Variants in EDA observed in about 807,000 individuals in gnomAD.
EDA encodes ectodysplasin-A.
Under a neutral mutation model 23.6 loss-of-function variants are expected in EDA, and 2 were observed. The ratio of observed to expected loss-of-function variants is 0.08; its 90% confidence interval spans 0.03 to 0.27. The LOEUF (loss-of-function observed/expected upper bound fraction) is 0.27. Ranked by LOEUF, EDA falls within the 10% of genes least tolerant of loss-of-function variation. The pLI is 1.00. For synonymous variants in EDA, 131 were observed against 132.0 expected (o/e 0.99, Z 0.05); for missense variants, 229 against 324.2 (o/e 0.71, Z 2.26).
intron 1 of EDA, among the ~76,000 whole-genome samples, chrX:69,772,997 C>T (rs151244835): frequency 0.015 from 1,715 of 111,325 alleles, 31 homozygotes; most frequent in African/African-American, 0.054. Flanking sequence ...TTTTCATCAC[C>T]CCCAAAAAAC....
chrX:69,807,257 A>AT (rs2015836365), intron 1 of EDA, among the ~76,000 whole-genome samples: 1 of 107,992 alleles, frequency 9.3e-6, no homozygotes, highest in Non-Finnish European at 1.9e-5. Context: ...TGTAACATGT[A>AT]TTTTTTGGAC....
intron 1 of EDA, among the ~76,000 whole-genome samples, chrX:69,764,198 C>CACCACT (rs1320986547): frequency 9.6e-6 from 1 of 103,849 alleles, no homozygotes; most frequent in Non-Finnish European, 2.0e-5. Context: ...AGTTTTCTTC[C>CACCACT]ACCACTACCA....
intron 2 of EDA, among the ~76,000 whole-genome samples, chrX:69,961,028 A>AG (rs1313579447): frequency 8.9e-5 from 9 of 100,778 alleles, no homozygotes; most frequent in East Asian, 2.9e-4. Context: ...AAAAAAAGAA[A>AG]AAAAAAGAAA....
chrX:69,824,683 C>G (rs1156783571), intron 1 of EDA, among the ~76,000 whole-genome samples: 1 of 94,866 alleles, frequency 1.1e-5, no homozygotes, highest in Non-Finnish European at 2.1e-5. Flanking sequence ...AATTGAATAC[C>G]CTTTATTTCC....
intron 2 of EDA, among the ~76,000 whole-genome samples, chrX:69,976,787 C>G (rs985959693): frequency 9.1e-6 from 1 of 110,073 alleles, no homozygotes; most frequent in Non-Finnish European, 1.9e-5. Context: ...GAAAAGGGGT[C>G]CAAAGGTCAG....
intron 2 of EDA, among the ~76,000 whole-genome samples, chrX:69,991,529 G>A (rs758628050): frequency 7.5e-4 from 83 of 111,150 alleles, no homozygotes; most frequent in African/African-American, 2.6e-3. Flanking sequence ...CTAGACCTGC[G>A]GGACAGAGAA....
intron 2 of EDA, among the ~76,000 whole-genome samples, chrX:70,003,466 T>C (rs1236143230): frequency 8.9e-6 from 1 of 111,899 alleles, no homozygotes; most frequent in Non-Finnish European, 1.9e-5. Context: ...CCTCCTGACA[T>C]CCCTTTTGAG....
chrX:69,724,876 T>C (rs376748699), intron 1 of EDA, among the ~76,000 whole-genome samples: 2 of 112,138 alleles, frequency 1.8e-5, no homozygotes, highest in East Asian at 2.8e-4. Flanking sequence ...TGTTGAACTT[T>C]CTAATAAATA....
chrX:69,964,936 A>G (rs958612230), intron 2 of EDA, among the ~76,000 whole-genome samples: 2 of 111,823 alleles, frequency 1.8e-5, no homozygotes, highest in Non-Finnish European at 3.8e-5. Flanking sequence ...TAAGTACCAA[A>G]CTAGTTGTTA....
intron 2 of EDA, among the ~76,000 whole-genome samples, chrX:69,978,502 C>CAAAA (rs1223244079): frequency 2.1e-5 from 1 of 46,865 alleles, no homozygotes; most frequent in Non-Finnish European, 3.8e-5. Context: ...GAATCTGTCT[C>CAAAA]AAAAAAAAAA....
chrX:69,692,077 A>G (rs1379427020), intron 1 of EDA, among the ~76,000 whole-genome samples: 2 of 111,238 alleles, frequency 1.8e-5, no homozygotes, highest in African/African-American at 3.3e-5. Context: ...ATTGAATGCT[A>G]CTGTCTCATG....
intron 1 of EDA, among the ~76,000 whole-genome samples, chrX:69,889,261 C>T (rs893002655): frequency 4.7e-5 from 5 of 107,381 alleles, no homozygotes; most frequent in South Asian, 4.2e-4. Flanking sequence ...GATCTTCCCA[C>T]TTCGTCCTCC....
chrX:69,833,973 C>T (rs899563927), intron 1 of EDA, among the ~76,000 whole-genome samples: 3 of 79,368 alleles, frequency 3.8e-5, no homozygotes, highest in Non-Finnish European at 6.8e-5. Flanking sequence ...CCACGACAGG[C>T]ACCAGTGTGT....
intron 1 of EDA, among the ~76,000 whole-genome samples, chrX:69,932,903 G>T (rs1290186070): frequency 2.8e-5 from 3 of 107,921 alleles, no homozygotes; most frequent in East Asian, 5.7e-4. Flanking sequence ...ACTATCTCTT[G>T]TCCCAATTTA....
At chrX:69,843,883 G>C (rs891440449) in intron 1 of EDA, among the ~76,000 whole-genome samples, 2 of 109,292 alleles carry the variant, frequency 1.8e-5, no homozygotes, top group African/African-American at 6.7e-5. Context: ...TTAGCCGAGC[G>C]TGGTGGCGGG....
At chrX:69,776,604 T>A (rs1241887042) in intron 1 of EDA, among the ~76,000 whole-genome samples, 1 of 111,041 alleles carries the variant, frequency 9.0e-6, no homozygotes, top group Non-Finnish European at 1.9e-5. Context: ...ATGTCTTTAT[T>A]AACAGCATGA....
chrX:69,915,771 T>TA (rs1288873184), intron 1 of EDA, among the ~76,000 whole-genome samples: 2 of 110,330 alleles, frequency 1.8e-5, no homozygotes, highest in Non-Finnish European at 3.8e-5. Flanking sequence ...AAACAAGCAA[T>TA]AAAAAATAAA....
Position 69,709,887 on chromosome X carries a change from T to C in EDA, c.396+93183T>C, listed in dbSNP as rs191782126. Among the ~76,000 whole-genome samples, 4 of 111,606 alleles carry C rather than the reference T, an allele frequency of 3.6e-5. No individual in the cohort carries two copies. In the East Asian group the frequency reaches 8.5e-4, roughly 24 times the overall value. On this transcript the variant is annotated intron_variant, in intron 1 of 7. Coordinates refer to ENST00000374552, the MANE Select transcript of EDA (RefSeq NM_001399.5). ...ATTTGTTTGAGTTCATTGTACATTC[T>C]GGATATTAGCCCTTTGTCAGATGAG...
chrX:69,707,791 G>C (rs145341179), intron 1 of EDA, among the ~76,000 whole-genome samples: 1 of 111,278 alleles, frequency 9.0e-6, no homozygotes, highest in African/African-American at 3.3e-5. Flanking sequence ...TCATATTCTA[G>C]TAACCTTACC....
Sources: allele counts gnomAD v4.1 joint callset (sites outside exome capture counted in the v4.1 genomes callset), GRCh38; gene constraint gnomAD v4.1.1; transcripts MANE v1.5; gene names NCBI Gene and HGNC (gene_info 2026-07-23, HGNC 2026-07-21).